Variants in MCF2L2 observed in about 807,000 individuals in gnomAD.
The protein encoded by MCF2L2 is probable guanine nucleotide exchange factor MCF2L2.
Under a neutral mutation model 150.2 loss-of-function variants are expected in MCF2L2, and 102 were observed. The ratio of observed to expected loss-of-function variants is 0.68; its 90% CI spans 0.58 to 0.80. MCF2L2 has a LOEUF of 0.80. Ranked by LOEUF, MCF2L2 falls within the 30% of genes least tolerant of loss-of-function variation. The pLI, the probability that MCF2L2 is intolerant of heterozygous loss-of-function variation, is 0.00. For synonymous variants in MCF2L2, 465 were observed against 491.3 expected (o/e 0.95, Z 0.71); for missense variants, 1,256 against 1,372.8 (o/e 0.91, Z 1.34).
intron 3 of MCF2L2, among the ~76,000 whole-genome samples, chr3:183,371,465 CTT>C (rs56835227): frequency 0.033 from 4,211 of 125,840 alleles, 139 homozygotes; most frequent in African/African-American, 0.12. Flanking sequence ...TCTGAGAAGC[CTT>C]TTTTTTTTTT....
intron 1 of MCF2L2, among the ~76,000 whole-genome samples, chr3:183,424,543 C>T (rs1197601645): frequency 6.6e-6 from 1 of 152,192 alleles, no homozygotes; most frequent in Non-Finnish European, 1.5e-5. Context: ...TGTTAAGTGG[C>T]TATCTAGGGT....
At chr3:183,417,075 C>T (rs750398050) in intron 1 of MCF2L2, among the ~76,000 whole-genome samples, 2 of 131,224 alleles carry the variant, frequency 1.5e-5, no homozygotes, top group Non-Finnish European at 3.1e-5. Context: ...TCGTGCCACA[C>T]CACTACACTC....
intron 15 of MCF2L2, chr3:183,269,653 A>G (rs1726548802): frequency 1.4e-6 from 1 of 721,470 alleles, no homozygotes; most frequent in Non-Finnish European, 2.2e-6. Context: ...AAAAGAAACT[A>G]TTTTGTAAAA....
chr3:183,409,607 T>A (rs575057179), intron 1 of MCF2L2, among the ~76,000 whole-genome samples: 4 of 144,412 alleles, frequency 2.8e-5, no homozygotes, highest in Non-Finnish European at 4.5e-5. Flanking sequence ...CAGGCTGGAG[T>A]GCGATGGTGA....
chr3:183,190,252 G>C (rs929673052), intron 27 of MCF2L2, among the ~76,000 whole-genome samples: 12 of 152,138 alleles, frequency 7.9e-5, no homozygotes, highest in African/African-American at 2.7e-4. Flanking sequence ...ACAGGTGAAG[G>C]TCTGAGCAAT....
chr3:183,270,382 A>G lies in MCF2L2; in HGVS notation c.1862+6490T>C. On this transcript the variant is annotated intron_variant, in intron 15 of 29. Transcript: ENST00000328913. The surrounding 1 kb of genome is among the most constrained non-coding windows in gnomAD (Gnocchi z 4.5). ...AAATTTCTTATGACTGCTGATGATG[A>G]CATATTTATTCACATGCCAAATCTG... 6.2e-7 allele frequency: 1 copy of G among 1,614,230 alleles called. No homozygotes were observed. Among genetic ancestry groups the G allele is most frequent in the East Asian group, 2.2e-5 (1 of 44,890 alleles).
chr3:183,395,944 A>C (rs1714426292), intron 1 of MCF2L2, among the ~76,000 whole-genome samples: 1 of 149,104 alleles, frequency 6.7e-6, no homozygotes, highest in East Asian at 1.9e-4. Flanking sequence ...AAAAAGAAAG[A>C]AAGAAAGAAA....
chr3:183,251,984 A>T (rs772697492), intron 15 of MCF2L2, among the ~76,000 whole-genome samples: 92 of 146,814 alleles, frequency 6.3e-4, no homozygotes, highest in Admixed American at 1.4e-3. Context: ...CCATTTATCT[A>T]TCTGGTGTGT....
At chr3:183,397,529 A>T (rs1297910829) in intron 1 of MCF2L2, among the ~76,000 whole-genome samples, 4 of 152,218 alleles carry the variant, frequency 2.6e-5, no homozygotes, top group Non-Finnish European at 4.4e-5. Flanking sequence ...GTTAGGTTTC[A>T]ACATATGAAT....
At chr3:183,259,702 C>A (rs1369536575) in intron 15 of MCF2L2, among the ~76,000 whole-genome samples, 2 of 152,076 alleles carry the variant, frequency 1.3e-5, no homozygotes, top group African/African-American at 4.8e-5. Context: ...CCTTCCACCC[C>A]ACCTCTTTTT....
At chr3:183,401,081 T>C (rs1168469655) in intron 1 of MCF2L2, among the ~76,000 whole-genome samples, 3 of 152,140 alleles carry the variant, frequency 2.0e-5, no homozygotes, top group Admixed American at 6.5e-5. Flanking sequence ...AAGTATAGTC[T>C]GATTCTCAAA....
chr3:183,355,929 C>A (rs951722602), intron 3 of MCF2L2, among the ~76,000 whole-genome samples: 2 of 151,958 alleles, frequency 1.3e-5, no homozygotes, highest in Non-Finnish European at 2.9e-5. Context: ...GGGCAGTGGG[C>A]CCCTCCTTCC....
At chr3:183,321,507 G>A (rs1218022663) in intron 6 of MCF2L2, among the ~76,000 whole-genome samples, 1 of 151,770 alleles carries the variant, frequency 6.6e-6, no homozygotes, top group Non-Finnish European at 1.5e-5. Flanking sequence ...CTGAAATATT[G>A]CAAGAATTGC....
rs58788215 is a variant in MCF2L2 at position 183,292,556 on chromosome 3, T to TACACACACACAC, written c.1675+2732_1675+2743dup. ...CAGAAATGGTGAATAAGGGGGTATG[T>TACACACACACAC]ACACACACACACACACACACACACA... On this transcript the variant is annotated intron_variant, in intron 13 of 29. Transcript: ENST00000328913. Among the ~76,000 whole-genome samples the TACACACACACAC allele has an allele frequency of 5.6e-3, 811 of 145,552 alleles. 7 individuals carry two copies. Among genetic ancestry groups the TACACACACACAC allele is most frequent in the African/African-American group, 0.019 (753 of 39,740 alleles).
Position 183,427,936 on chromosome 3 carries a change from G to A in MCF2L2, c.42C>T (p.Leu14=). The part of the protein sequence containing the change: ...CLKEEMPPQE[L]TRRLATVITH... The stretch of plus-strand genomic sequence containing the variant: ...TGATCACTGTGGCCAGTCGCCGGGT[G>A]AGCTCCTGGGGAGGCATCTCTTCTT... Residue 14 remains leucine, a synonymous_variant, in exon 1 of 30, where the codon CTC becomes CTT. Transcript: ENST00000328913. The A allele has an allele frequency of 1.2e-6, 2 of 1,614,098 alleles. No individual in the cohort carries two copies. The highest frequency in any genetic ancestry group is 1.7e-6 in the Non-Finnish European group (2 of 1,179,972).
intron 23 of MCF2L2, among the ~76,000 whole-genome samples, chr3:183,206,624 C>A (rs1722482622): frequency 6.6e-6 from 1 of 152,154 alleles, no homozygotes; most frequent in South Asian, 2.1e-4. Flanking sequence ...GTAATTCCAG[C>A]ACTTTGGGAG....
intron 7 of MCF2L2, among the ~76,000 whole-genome samples, chr3:183,317,522 G>C (rs1729649220): frequency 6.6e-6 from 1 of 152,072 alleles, no homozygotes. Flanking sequence ...CTTCAACTCA[G>C]GACAGGGTGC....
Position 183,270,399 on chromosome 3 carries a change from C to A in MCF2L2, c.1862+6473G>T, listed in dbSNP as rs1322045896. ...TGATGATGACATATTTATTCACATGCCAAATCTGATTGAGTACCTTCAAAG... is the reference window on the plus strand; with the variant it reads ...TGATGATGACATATTTATTCACATGACAAATCTGATTGAGTACCTTCAAAG... On this transcript the variant is annotated intron_variant, in intron 15 of 29. Transcript: ENST00000328913. The surrounding 1 kb of genome is among the most constrained non-coding windows in gnomAD (Gnocchi z 4.5). 6.2e-7 allele frequency: 1 copy of A among 1,614,024 alleles called. No individual in the cohort carries two copies. The highest frequency in any genetic ancestry group is 1.3e-5 in the African/African-American group (1 of 74,914).
At chr3:183,297,352 C>G (rs898073457) in intron 11 of MCF2L2, 185 bp from the exon 12 acceptor site, 1 of 569,164 alleles carries the variant, frequency 1.8e-6, no homozygotes, top group Non-Finnish European at 3.1e-6. Flanking sequence ...GGGACAAACC[C>G]AAACCAGCTG....
Sources: allele counts gnomAD v4.1 joint callset (sites outside exome capture counted in the v4.1 genomes callset), GRCh38; gene constraint gnomAD v4.1.1; non-coding constraint Gnocchi (gnomAD v3.1); transcripts MANE v1.5; gene names NCBI Gene and HGNC (gene_info 2026-07-23, HGNC 2026-07-21).